LRBA: variants seen among roughly 807,000 people sequenced by gnomAD.
LRBA encodes LPS responsive beige-like anchor protein.
In LRBA, 176 loss-of-function variants were observed where a neutral mutation model predicts 330.0. The observed-to-expected ratio is 0.53, with a 90% confidence interval of 0.47 to 0.60. The LOEUF is 0.60. Ranked by LOEUF, LRBA falls within the 20% of genes least tolerant of loss-of-function variation. The probability of loss-of-function intolerance (pLI) is 0.00; values close to 1 mark genes in which losing one functional copy is unlikely to be tolerated. For missense variants in LRBA, 3,259 were observed against 3,444.8 expected (o/e 0.95, Z 1.35); for synonymous variants, 1,230 against 1,193.0 (o/e 1.03, Z -0.64).
intron 48 of LRBA, among the ~76,000 whole-genome samples, chr4:150,347,416 G>T (rs542538114): frequency 1.2e-3 from 187 of 152,184 alleles, no homozygotes; most frequent in African/African-American, 4.4e-3. Flanking sequence ...GAGGCCAAGG[G>T]AGGCGGATCA....
chr4:150,750,579 C>G (rs1296836743), intron 35 of LRBA, among the ~76,000 whole-genome samples: 6 of 151,980 alleles, frequency 3.9e-5, no homozygotes, highest in Non-Finnish European at 5.9e-5. Context: ...TCCCAAGTAG[C>G]TAGGACTACA....
intron 2 of LRBA, among the ~76,000 whole-genome samples, chr4:150,971,880 T>C (rs563547982): frequency 6.6e-6 from 1 of 152,156 alleles, no homozygotes. Flanking sequence ...CTTTAATGTA[T>C]CATCATTTGA....
At chr4:150,941,830 TGA>T (rs1735707320) in intron 2 of LRBA, among the ~76,000 whole-genome samples, 1 of 150,340 alleles carries the variant, frequency 6.7e-6, no homozygotes, top group East Asian at 2.0e-4. Context: ...GAGGTTGCAG[TGA>T]GCAGAAATCA....
At chr4:150,434,098 T>C (rs947094473) in intron 46 of LRBA, among the ~76,000 whole-genome samples, 7 of 152,156 alleles carry the variant, frequency 4.6e-5, no homozygotes, top group Admixed American at 3.9e-4. Context: ...GTATAACTTT[T>C]CTCCTTTTGG....
chr4:150,396,476 C>T (rs1016098564), intron 47 of LRBA, among the ~76,000 whole-genome samples: 17 of 75,870 alleles, frequency 2.2e-4, no homozygotes, highest in Admixed American at 4.7e-4. Flanking sequence ...TAATAAATCT[C>T]ATCTCACACA....
chr4:150,721,456 T>C, intron 36 of LRBA: 1 of 286,390 alleles, frequency 3.5e-6, no homozygotes, highest in Non-Finnish European at 6.8e-6. Flanking sequence ...AACCCAGAAG[T>C]TTTTGTGATC....
chr4:150,875,420 G>A (rs960898871), intron 17 of LRBA, among the ~76,000 whole-genome samples: 2 of 151,968 alleles, frequency 1.3e-5, no homozygotes, highest in African/African-American at 4.8e-5. Flanking sequence ...CCAGAGCATA[G>A]AAGGGAGCTC....
At chr4:150,842,054 A>C (rs1226461654) in intron 28 of LRBA, among the ~76,000 whole-genome samples, 2 of 152,210 alleles carry the variant, frequency 1.3e-5, no homozygotes, top group Admixed American at 1.3e-4. Flanking sequence ...AACTCCTATA[A>C]GGTGATTATA....
intron 40 of LRBA, among the ~76,000 whole-genome samples, chr4:150,538,836 AACTACCTATTGGGTATTATGCTC>A: frequency 6.6e-6 from 1 of 151,694 alleles, no homozygotes; most frequent in Admixed American, 6.6e-5. Flanking sequence ...AAAAACAAAA[AACTACCTATTGGGTATTATGCTC>A]ACTACCTAGG....
intron 2 of LRBA, among the ~76,000 whole-genome samples, chr4:150,948,963 T>C (rs920307720): frequency 1.3e-5 from 2 of 151,628 alleles, no homozygotes; most frequent in African/African-American, 2.4e-5. Flanking sequence ...GTGGAGAAAC[T>C]GGATAATTCG....
At chr4:150,736,979 C>A (rs953408577) in intron 35 of LRBA, among the ~76,000 whole-genome samples, 1 of 152,094 alleles carries the variant, frequency 6.6e-6, no homozygotes, top group African/African-American at 2.4e-5. Flanking sequence ...TTTGGGAGGT[C>A]CGGGCGAGAG....
At chr4:150,426,424 GA>G (rs1554023268) in intron 46 of LRBA, among the ~76,000 whole-genome samples, 1 of 152,030 alleles carries the variant, frequency 6.6e-6, no homozygotes, top group South Asian at 2.1e-4. Flanking sequence ...TGATATAGTA[GA>G]AAAAATAATT....
intron 37 of LRBA, among the ~76,000 whole-genome samples, chr4:150,620,612 A>G (rs1356961933): frequency 6.6e-6 from 1 of 152,244 alleles, no homozygotes; most frequent in Non-Finnish European, 1.5e-5. Context: ...ACACCATGGA[A>G]TACTACTCAG....
At chr4:150,723,223 G>A (rs1437188670) in intron 36 of LRBA, among the ~76,000 whole-genome samples, 2 of 152,132 alleles carry the variant, frequency 1.3e-5, no homozygotes, top group African/African-American at 2.4e-5. Context: ...ACCAGCTTGC[G>A]TGGCTAAGGA....
chr4:150,532,473 C>G (rs569628509), intron 40 of LRBA, among the ~76,000 whole-genome samples: 3 of 151,832 alleles, frequency 2.0e-5, no homozygotes, highest in Non-Finnish European at 4.4e-5. Context: ...TATAATAATA[C>G]AAGAGCCTTA....
chr4:150,299,722 A>T (rs1024508129), intron 53 of LRBA, among the ~76,000 whole-genome samples: 3 of 151,982 alleles, frequency 2.0e-5, no homozygotes, highest in Non-Finnish European at 2.9e-5. Context: ...TTTTTTAAAT[A>T]AAAAAACCCT....
intron 34 of LRBA, among the ~76,000 whole-genome samples, chr4:150,789,005 C>G (rs1438117855): frequency 1.3e-5 from 2 of 152,010 alleles, no homozygotes; most frequent in African/African-American, 2.4e-5. Context: ...ACCTGGGAGG[C>G]AGAGATTGCA....
At chr4:150,494,215 A>G (rs532338672) in intron 40 of LRBA, among the ~76,000 whole-genome samples, 2 of 152,360 alleles carry the variant, frequency 1.3e-5, no homozygotes, top group Non-Finnish European at 2.9e-5. Flanking sequence ...CTTCCATTGT[A>G]TATACCACAT....
At chr4:150,807,432 T>G (rs1742959559) in intron 32 of LRBA, among the ~76,000 whole-genome samples, 1 of 152,172 alleles carries the variant, frequency 6.6e-6, no homozygotes, top group Non-Finnish European at 1.5e-5. Flanking sequence ...ATTTGTAGTG[T>G]CTAATGGATT....
Sources: gnomAD v4.1 joint callset for allele counts (sites outside exome capture counted in the v4.1 genomes callset) on GRCh38, gnomAD v4.1.1 for gene constraint, MANE v1.5 for transcripts, NCBI Gene and HGNC (gene_info 2026-07-23, HGNC 2026-07-21) for gene names.